The following CTU2 variants were observed in gnomAD, a reference collection of about 807,000 sequenced individuals.
CTU2 encodes cytosolic thiouridylase subunit 2.
In CTU2, 80 loss-of-function variants were observed where a neutral mutation model predicts 64.1. The observed-to-expected ratio is 1.25, with a 90% CI of 1.04 to 1.50. The LOEUF is 1.50. Ranked by LOEUF, CTU2 falls within the 40% of genes most tolerant of loss-of-function variation. The pLI is 0.00. For synonymous variants in CTU2, 482 were observed against 285.3 expected, an observed-to-expected ratio of 1.69 and a Z score of -6.95; for missense variants, 1,110 against 690.2, an observed-to-expected ratio of 1.61 and a Z score of -6.81.
Position 88,715,283 on chromosome 16 carries a change from A to C in CTU2, c.*32A>C. ...GGACGTGCTTGCCGGGACAGCAGGC[A>C]GTGGCCACCTGGTACACCACACTGG... is the stretch of plus-strand genomic sequence containing the variant. On this transcript the variant is annotated 3_prime_UTR_variant, in exon 15 of 15. Transcript: ENST00000453996. 1.2e-6 allele frequency: 2 copies of C among 1,604,356 alleles called. No homozygotes were observed. Among genetic ancestry groups the C allele is most frequent in the Non-Finnish European group, 8.5e-7 (1 of 1,177,214 alleles).
chr16:88,713,724 C>T lies in CTU2; in HGVS notation c.951C>T (p.Phe317=). The T allele has an allele frequency of 6.2e-7, 1 of 1,612,698 alleles. No individual in the cohort carries two copies. Among genetic ancestry groups the T allele is most frequent in the Non-Finnish European group, 8.5e-7 (1 of 1,179,892 alleles). The change falls in exon 9 of 15, where the codon TTC becomes TTT. Residue 317 remains phenylalanine (F), a synonymous_variant. Coordinates refer to ENST00000453996, the MANE Select transcript of CTU2 (RefSeq NM_001012759.3). ...ACCACACCCTGAAGGAGGTCGCTTTCTACAACCGCCTGTTCTCCGTTCCTT... is the reference window on the plus strand; with the variant it reads ...ACCACACCCTGAAGGAGGTCGCTTTTTACAACCGCCTGTTCTCCGTTCCTT... ...MRDHTLKEVA[F]YNRLFSVPSV...
At chr16:88,709,584 T>G (rs73262644) in intron 2 of CTU2, 29,915 of 247,786 alleles carry the variant, frequency 0.12, 2,172 homozygotes, top group African/African-American at 0.21. Context: ...GGGGTCTGGG[T>G]TGGCCTTGCC....
rs1911699678 is a variant in CTU2, at chr16:88,714,422, T to C, written c.1137T>C (p.Pro379=). The change falls in exon 11 of 15, where the codon CCT becomes CCC. Residue 379 remains proline, a synonymous_variant. Coordinates refer to ENST00000453996, the MANE Select transcript of CTU2 (RefSeq NM_001012759.3). ...EKLVKGPRDG[P]AAGDSGPRCL... Reference sequence around the variant, plus strand: ...TGGTGAAGGGCCCCCGGGATGGCCCTGCTGCTGGCGACTCCGGCCCCCGCT... The same window carrying C: ...TGGTGAAGGGCCCCCGGGATGGCCCCGCTGCTGGCGACTCCGGCCCCCGCT... The C allele has an allele frequency of 1.2e-6, 2 of 1,612,582 alleles. No individual in the cohort carries two copies. The highest frequency in any genetic ancestry group is 8.5e-7 in the Non-Finnish European group (1 of 1,179,842).
Position 88,713,311 on chromosome 16 carries a change from G to C in CTU2, c.738-1G>C. The C allele has an allele frequency of 5.1e-6, 8 of 1,580,520 alleles. No individual in the cohort carries two copies. The highest frequency in any genetic ancestry group is 1.1e-5 in the South Asian group (1 of 89,510). Reference sequence around the variant, plus strand: ...GGCCCCTGAGACGCTCTGTGCTTTAGGACCCACCTGATCCTCCACATGGCC... The same window carrying C: ...GGCCCCTGAGACGCTCTGTGCTTTACGACCCACCTGATCCTCCACATGGCC... On this transcript the variant is annotated splice_acceptor_variant, in intron 7 of 14. Coordinates refer to ENST00000453996, the MANE Select transcript of CTU2 (RefSeq NM_001012759.3). LOFTEE classifies it high-confidence loss of function.
rs370151004 is a variant in CTU2 at position 88,709,925 on chromosome 16, G to C, written c.144-13G>C. On this transcript the variant is annotated splice_polypyrimidine_tract_variant and intron_variant, in intron 2 of 14. Transcript: ENST00000453996. Reference sequence around the variant, plus strand: ...GTAGCAGGCGGTTCCCTCATCTCAGGTCTGTGTTGCAGGGACTGTTTCAAG... The same window carrying C: ...GTAGCAGGCGGTTCCCTCATCTCAGCTCTGTGTTGCAGGGACTGTTTCAAG... 27 of 1,613,548 alleles carry C rather than the reference G, an allele frequency of 1.7e-5. No homozygotes were observed. In the African/African-American group the frequency reaches 3.3e-4, roughly 20 times the overall value.
In CTU2 at chr16:88,714,148, GC is replaced by G; in HGVS notation, c.1020del (p.Ser341AlafsTer5). ...PAVDTKAPEK[A>X]SIHRLMEAFI... is the part of the protein sequence containing the mutation. Reference sequence around the variant, plus strand: ...TGATTGTCCCTAGGCCCCTGAAAAGGCCAGCATCCACCGGCTGATGGAGGCC... The same window carrying G: ...TGATTGTCCCTAGGCCCCTGAAAAGGCAGCATCCACCGGCTGATGGAGGCC... On this transcript the variant is annotated frameshift_variant, in exon 10 of 15. Coordinates refer to ENST00000453996, the MANE Select transcript of CTU2 (RefSeq NM_001012759.3). LOFTEE classifies it high-confidence loss of function. The G allele has an allele frequency of 1.2e-6, 2 of 1,612,688 alleles. No individual in the cohort carries two copies. The highest frequency in any genetic ancestry group is 1.7e-6 in the Non-Finnish European group (2 of 1,179,900).
chr16:88,709,073 G>C (rs1911120579), intron 2 of CTU2: 1 of 152,242 alleles, frequency 6.6e-6, no homozygotes, highest in African/African-American at 2.4e-5. Flanking sequence ...CCAGGAGTTT[G>C]AGACCAGTCT....
At position 88,711,673 on chromosome 16, in the gene CTU2, G is replaced by C. The variant is rs1361324044; in HGVS notation, c.321G>C (p.Val107=). 33 of 1,608,726 alleles carry C rather than the reference G, an allele frequency of 2.1e-5. No individual in the cohort carries two copies. Among genetic ancestry groups the C allele is most frequent in the Non-Finnish European group, 2.7e-5 (32 of 1,176,860 alleles). The change falls in exon 5 of 15, where the codon GTG becomes GTC. Residue 107 remains valine, a synonymous_variant. Coordinates refer to ENST00000453996, the MANE Select transcript of CTU2 (RefSeq NM_001012759.3). ...SQDSAKRLRF[V]AGVIFVDEGA... ...ATTCTGCCAAAAGACTGCGCTTTGT[G>C]GCAGGAGTCATCTTTGTTGACGGTA...
rs368298039 is a variant in CTU2 at position 88,715,262 on chromosome 16, G to T, written c.*11G>T. On this transcript the variant is annotated 3_prime_UTR_variant, in exon 15 of 15. Transcript: ENST00000453996. ...GCGGGCCAGAGCTGAGCGTGAGGAC[G>T]TGCTTGCCGGGACAGCAGGCAGTGG... 4 of 1,609,884 alleles carry T rather than the reference G, an allele frequency of 2.5e-6. No individual in the cohort carries two copies. The highest frequency in any genetic ancestry group is 3.4e-6 in the Non-Finnish European group (4 of 1,179,570).
intron 2 of CTU2, 154 bp from the exon 3 acceptor site, chr16:88,709,784 G>C: frequency 1.4e-6 from 1 of 704,352 alleles, no homozygotes; most frequent in Non-Finnish European, 2.5e-6. Context: ...GGCCAACCCC[G>C]CCCCTTTCAC....
rs1342003885 is a variant in CTU2, at chr16:88,713,764, G to C, written c.991G>C (p.Ala331Pro). The C allele has an allele frequency of 6.2e-7, 1 of 1,612,578 alleles. No homozygotes were observed. The highest frequency in any genetic ancestry group is 8.5e-7 in the Non-Finnish European group (1 of 1,179,900). Reference sequence around the variant, plus strand: ...CTCCGTTCCTTCTGTCTTCACACCAGCCGTCGACACCAAGGTGGGCCTTGT... The same window carrying C: ...CTCCGTTCCTTCTGTCTTCACACCACCCGTCGACACCAAGGTGGGCCTTGT... The part of the protein sequence containing the change: ...LFSVPSVFTP[A>P]VDTKAPEKAS... The change falls in exon 9 of 15, where the codon GCC becomes CCC. Residue 331 changes from alanine (A) to proline (P), a missense_variant. Ala to Pro is a conservative substitution (Grantham distance 27). Transcript: ENST00000453996.
intron 2 of CTU2, chr16:88,709,038 G>A (rs969479521): frequency 6.6e-6 from 1 of 152,214 alleles, no homozygotes; most frequent in African/African-American, 2.4e-5. Flanking sequence ...ACTCTGGGAG[G>A]CCCAGGCAGG....
chr16:88,710,273 G>C lies in CTU2; in HGVS notation c.273G>C (p.Gln91His), dbSNP rs778444062. 2 of 1,614,034 alleles carry C rather than the reference G, an allele frequency of 1.2e-6. No homozygotes were observed. Among genetic ancestry groups the C allele is most frequent in the Non-Finnish European group, 1.7e-6 (2 of 1,179,996 alleles). Residue 91 changes from glutamine to histidine, a missense_variant, in exon 4 of 15, where the codon CAG becomes CAC. Physicochemically the swap from Gln to His is conservative, Grantham distance 24. Transcript: ENST00000453996. ...GGPSSSSMVW[Q>H]VLEGLSQDSA... Reference sequence around the variant, plus strand: ...CTTCGTCCAGCTCCATGGTCTGGCAGGTTCTTGAGGTGCGTGTTCACCACC... The same window carrying C: ...CTTCGTCCAGCTCCATGGTCTGGCACGTTCTTGAGGTGCGTGTTCACCACC...
Position 88,706,553 on chromosome 16 carries a change from A to G in CTU2, c.23A>G (p.Tyr8Cys). The G allele has an allele frequency of 3.4e-6, 5 of 1,459,566 alleles. No homozygotes were observed. Among genetic ancestry groups the G allele is most frequent in the Non-Finnish European group, 4.5e-6 (5 of 1,112,818 alleles). 90.4% of individuals were successfully genotyped at this position (1,459,566 alleles called of 1,614,324 possible). A position where few individuals can be genotyped will look rare whatever the true frequency, so the allele number is the denominator to read the frequency against. MCQVGEDYGEPAPEEPPP... is the reference protein window; with the variant it reads MCQVGEDCGEPAPEEPPP... Reference sequence around the variant, plus strand: ...CCCATGTGTCAGGTGGGCGAGGACTACGGGGAGCCGGCGCCTGAGGAGCCG... The same window carrying G: ...CCCATGTGTCAGGTGGGCGAGGACTGCGGGGAGCCGGCGCCTGAGGAGCCG... Residue 8 changes from tyrosine to cysteine, a missense_variant, in exon 1 of 15, where the codon TAC becomes TGC. By Grantham distance (194) the Tyr-to-Cys change is radical. Coordinates refer to ENST00000453996, the MANE Select transcript of CTU2 (RefSeq NM_001012759.3).
intron 2 of CTU2, among the ~76,000 whole-genome samples, 192 bp downstream of exon 2, chr16:88,707,402 C>A (rs1018936109): frequency 2.6e-5 from 4 of 152,198 alleles, no homozygotes; most frequent in African/African-American, 9.7e-5. Context: ...GGGAAAGTTT[C>A]CCATGAGCTA....
Position 88,714,685 on chromosome 16 carries a change from T to C in CTU2, c.1300T>C (p.Cys434Arg). ...GACCCGGACACCCCCGGGGCCCTGC[T>C]GTTCTCCAGGGGTGGGCTGGGCCCA... ...TETRTPPGPC[C>R]SPGVGWAQRC... Residue 434 changes from cysteine to arginine, a missense_variant, in exon 12 of 15, where the codon TGT (cysteine) becomes CGT (arginine). Cys to Arg is a radical substitution (Grantham distance 180). Transcript: ENST00000453996. The C allele has an allele frequency of 6.2e-7, 1 of 1,612,186 alleles. No individual in the cohort carries two copies. The highest frequency in any genetic ancestry group is 8.5e-7 in the Non-Finnish European group (1 of 1,179,668).
chr16:88,711,510 A>G, intron 4 of CTU2, 125 bp from the exon 5 acceptor site: 1 of 967,320 alleles, frequency 1.0e-6, no homozygotes, highest in South Asian at 2.1e-5. Context: ...CAATAAACGC[A>G]ATGGCAGGGG....
chr16:88,709,736 G>A, intron 2 of CTU2: 1 of 588,324 alleles, frequency 1.7e-6, no homozygotes, highest in African/African-American at 1.9e-5. Context: ...AGGGGCCGGT[G>A]AGCCTCGTGT....
Position 88,710,013 on chromosome 16 carries a change from G to C in CTU2, c.219G>C (p.Glu73Asp). 1 of 1,613,882 alleles carries C rather than the reference G, an allele frequency of 6.2e-7. No homozygotes were observed. The highest frequency in any genetic ancestry group is 2.2e-5 in the East Asian group (1 of 44,886). The stretch of plus-strand genomic sequence containing the variant: ...AGAACCGGCTCATCTTTCCAGGCGA[G>C]AAGGTAGCGTCTGGGTCCTGGGGGT... ...LGKNRLIFPGEKVLLAWSGGP... is the reference protein window; with the variant it reads ...LGKNRLIFPGDKVLLAWSGGP... Residue 73 changes from glutamate (E) to aspartate (D), a missense_variant, in exon 3 of 15, where the codon GAG becomes GAC. Glu to Asp is a conservative substitution (Grantham distance 45, BLOSUM62 2). Coordinates refer to ENST00000453996, the MANE Select transcript of CTU2 (RefSeq NM_001012759.3).
Sources: allele counts gnomAD v4.1 joint callset (sites outside exome capture counted in the v4.1 genomes callset), GRCh38; gene constraint gnomAD v4.1.1; transcripts MANE v1.5; gene names NCBI Gene and HGNC (gene_info 2026-07-23, HGNC 2026-07-21).